The following ALG14 variants were observed in gnomAD, a reference collection of about 807,000 sequenced individuals.
ALG14 encodes ALG14 UDP-N-acetylglucosaminyltransferase subunit, also known as UDP-N-acetylglucosamine transferase subunit ALG14.
In ALG14, 17 loss-of-function variants were observed where a neutral mutation model predicts 22.8. That is an observed-to-expected ratio of 0.75 (90% CI 0.51 to 1.12). ALG14 has a LOEUF of 1.12. Among genes scored for constraint, ALG14 ranks in the 50% most tolerant of loss-of-function variants. The pLI is 0.00. For synonymous variants in ALG14, 89 were observed against 103.7 expected (o/e 0.86, Z 0.86); for missense variants, 288 against 271.8 (o/e 1.06, Z -0.42).
At chr1:94,986,820 G>A (rs1449911524) in intron 3 of ALG14, among the ~76,000 whole-genome samples, 2 of 150,284 alleles carry the variant, frequency 1.3e-5, no homozygotes, top group East Asian at 3.9e-4. Context: ...TTTTCCTCGG[G>A]AACGAACCAC....
chr1:95,058,008 C>A (rs563598724), intron 2 of ALG14, among the ~76,000 whole-genome samples: 1 of 151,838 alleles, frequency 6.6e-6, no homozygotes, highest in East Asian at 2.0e-4. Flanking sequence ...ATCTTCAGGC[C>A]GGGCATGGTG....
At chr1:95,043,544 G>A (rs764843683) in intron 2 of ALG14, among the ~76,000 whole-genome samples, 3 of 152,182 alleles carry the variant, frequency 2.0e-5, no homozygotes, top group African/African-American at 7.2e-5. Flanking sequence ...GCTCTCTACC[G>A]CCTCTACTGA....
intron 3 of ALG14, among the ~76,000 whole-genome samples, chr1:94,993,499 A>C (rs576384252): frequency 6.6e-6 from 1 of 151,062 alleles, no homozygotes; most frequent in East Asian, 1.9e-4. Flanking sequence ...TAAAGATAGA[A>C]GAAGCCTGAT....
At chr1:95,041,598 A>C (rs1674380612) in intron 2 of ALG14, 2 of 151,084 alleles carry the variant, frequency 1.3e-5, no homozygotes, top group South Asian at 4.2e-4. Flanking sequence ...CTGGGCAGAC[A>C]GTGAGACCCC....
intron 3 of ALG14, among the ~76,000 whole-genome samples, chr1:94,991,241 A>G (rs966066030): frequency 2.0e-5 from 3 of 152,262 alleles, no homozygotes; most frequent in Non-Finnish European, 4.4e-5. Flanking sequence ...AGTAGGCAGA[A>G]AATAATAGAT....
At chr1:95,003,164 GAAAC>G (rs1458440983) in intron 3 of ALG14, among the ~76,000 whole-genome samples, 4 of 152,154 alleles carry the variant, frequency 2.6e-5, no homozygotes, top group African/African-American at 7.2e-5. Context: ...TTAAAGCAAG[GAAAC>G]AAGTGGTCCA....
chr1:95,058,284 GAAAAAAAAAAAAAA>G (rs56748968), intron 2 of ALG14, among the ~76,000 whole-genome samples: 1 of 20,514 alleles, frequency 4.9e-5, no homozygotes, highest in South Asian at 1.9e-3. Context: ...GACTCCATCT[GAAAAAAAAAAAAAA>G]AAAAAAAAAA....
At chr1:94,992,939 G>A (rs939386936) in intron 3 of ALG14, among the ~76,000 whole-genome samples, 1 of 151,836 alleles carries the variant, frequency 6.6e-6, no homozygotes, top group African/African-American at 2.4e-5. Flanking sequence ...AAAGAATAAA[G>A]TAGTATACTT....
At chr1:95,045,357 G>C (rs1056158754) in intron 2 of ALG14, among the ~76,000 whole-genome samples, 1 of 152,094 alleles carries the variant, frequency 6.6e-6, no homozygotes. Flanking sequence ...ATTTTAGAGA[G>C]AAAGAATGTA....
At chr1:95,033,428 CACACACACACACACACATACATATATAT>C (rs1419813582) in intron 2 of ALG14, among the ~76,000 whole-genome samples, 2 of 148,702 alleles carry the variant, frequency 1.3e-5, no homozygotes, top group African/African-American at 2.5e-5. Flanking sequence ...TATACACACA[CACACACACACACACACATACATATATAT>C]ACACACACAC....
At position 95,065,035 on chromosome 1, in the gene ALG14, A is replaced by T. The variant is rs12751061; in HGVS notation, c.137-18T>A. Reference sequence around the variant, plus strand: ...ATGCCCACCTGGAAAAAATATCAGAAGTCCTAAGATTAAGAAACCCACAAT... The same window carrying T: ...ATGCCCACCTGGAAAAAATATCAGATGTCCTAAGATTAAGAAACCCACAAT... On this transcript the variant is annotated intron_variant, in intron 1 of 3. Transcript: ENST00000370205. 135,568 of 1,602,176 alleles carry T rather than the reference A, an allele frequency of 0.085. 6,352 individuals are homozygous for T. The highest frequency in any genetic ancestry group is 0.094 in the Non-Finnish European group (110,782 of 1,173,288).
chr1:95,021,729 G>A (rs1047056213), intron 3 of ALG14, among the ~76,000 whole-genome samples: 25 of 152,004 alleles, frequency 1.6e-4, no homozygotes, highest in African/African-American at 5.6e-4. Flanking sequence ...TTCTCACCTC[G>A]TCACCAGCAT....
chr1:95,000,777 TAAAAAA>T (rs56810994), intron 3 of ALG14, among the ~76,000 whole-genome samples: 1 of 65,232 alleles, frequency 1.5e-5, no homozygotes, highest in African/African-American at 5.7e-5. Flanking sequence ...TATGCCACAC[TAAAAAA>T]AAAAAAAAAA....
At chr1:95,062,033 G>C (rs1395756377) in intron 2 of ALG14, 3 of 152,036 alleles carry the variant, frequency 2.0e-5, no homozygotes, top group Non-Finnish European at 4.4e-5. Context: ...TGAGCAACCA[G>C]GGGTAAAGAA....
Position 94,982,843 on chromosome 1 carries a change from G to T in ALG14, c.*233C>A, listed in dbSNP as rs558518381. 7 of 428,920 alleles carry T rather than the reference G, an allele frequency of 1.6e-5. No homozygotes were observed. Among genetic ancestry groups the T allele is most frequent in the Non-Finnish European group, 2.9e-5 (7 of 241,814 alleles). The allele number at this position is 428,920 out of a possible 1,614,324, so 26.6% of individuals were successfully genotyped here. A position where few individuals can be genotyped will look rare whatever the true frequency, so the allele number is the denominator to read the frequency against. On this transcript the variant is annotated 3_prime_UTR_variant, in exon 4 of 4. Coordinates refer to ENST00000370205, the MANE Select transcript of ALG14 (RefSeq NM_144988.4). The stretch of plus-strand genomic sequence containing the variant: ...GTAATACATATTTTTATCTAGAAAA[G>T]AAATTTGGTTTACAGAGGCATAAAC...
intron 2 of ALG14, among the ~76,000 whole-genome samples, chr1:95,045,299 AAAC>A: frequency 6.6e-6 from 1 of 152,308 alleles, no homozygotes; most frequent in Admixed American, 6.5e-5. Context: ...TGGAGGGCCA[AAAC>A]AAAACACAGT....
chr1:94,996,186 TTCTTTCTAAATCAGAATCCCTGGGTC>T (rs369333973), intron 3 of ALG14, among the ~76,000 whole-genome samples: 283 of 152,336 alleles, frequency 1.9e-3, no homozygotes, highest in African/African-American at 6.2e-3. Context: ...GAAATGTAGA[TTCTTTCTAAATCAGAATCCCTGGGTC>T]TAGGCACCAG....
intron 2 of ALG14, among the ~76,000 whole-genome samples, chr1:95,058,501 C>T (rs1203563642): frequency 1.3e-5 from 2 of 150,300 alleles, no homozygotes; most frequent in Non-Finnish European, 2.9e-5. Context: ...CCTGTAATCC[C>T]GACTACTTGG....
At chr1:94,987,495 A>G (rs2100715539) in intron 3 of ALG14, among the ~76,000 whole-genome samples, 1 of 152,318 alleles carries the variant, frequency 6.6e-6, no homozygotes, top group Admixed American at 6.5e-5. Context: ...AGAAAACGGA[A>G]AGAGGACAGG....
Sources: allele counts gnomAD v4.1 joint callset (sites outside exome capture counted in the v4.1 genomes callset), GRCh38; gene constraint gnomAD v4.1.1; transcripts MANE v1.5; gene names NCBI Gene and HGNC (gene_info 2026-07-23, HGNC 2026-07-21).